The following DGKB variants were observed in gnomAD, a reference collection of about 807,000 sequenced individuals.
DGKB encodes 90 kDa diacylglycerol kinase.
Under a neutral mutation model 114.3 loss-of-function variants are expected in DGKB, and 67 were observed. The observed-to-expected ratio is 0.59, with a 90% CI of 0.48 to 0.72. The LOEUF (loss-of-function observed/expected upper bound fraction) is 0.72, where lower values mean the gene tolerates loss of function less well. DGKB is among the 30% of genes least tolerant of loss of function. The probability of loss-of-function intolerance (pLI) is 0.00; values close to 1 mark genes in which losing one functional copy is unlikely to be tolerated. For synonymous variants in DGKB, 398 were observed against 323.1 expected (o/e 1.23, Z -2.49); for missense variants, 907 against 975.2 (o/e 0.93, Z 0.93).
chr7:14,601,844 A>G (rs1803596388), intron 17 of DGKB, among the ~76,000 whole-genome samples: 1 of 152,200 alleles, frequency 6.6e-6, no homozygotes, highest in East Asian at 1.9e-4. Context: ...GGCCTTTCTT[A>G]TCCATATTTC....
At chr7:14,796,798 T>C (rs997849189) in intron 2 of DGKB, among the ~76,000 whole-genome samples, 1 of 152,150 alleles carries the variant, frequency 6.6e-6, no homozygotes, top group African/African-American at 2.4e-5. Context: ...TTCTCCACCA[T>C]GACAATGTTC....
At chr7:14,607,861 T>G (rs943161860) in intron 16 of DGKB, among the ~76,000 whole-genome samples, 1 of 151,978 alleles carries the variant, frequency 6.6e-6, no homozygotes, top group Non-Finnish European at 1.5e-5. Context: ...TATTTCAGTA[T>G]AAAATTGCCT....
At chr7:14,241,017 A>T (rs1477976878) in intron 23 of DGKB, among the ~76,000 whole-genome samples, 3 of 152,064 alleles carry the variant, frequency 2.0e-5, no homozygotes, top group Non-Finnish European at 4.4e-5. Flanking sequence ...CTCAGTCATA[A>T]ATGCCAGCTA....
intron 1 of DGKB, among the ~76,000 whole-genome samples, chr7:14,917,800 T>G (rs1026980670): frequency 6.6e-6 from 1 of 152,004 alleles, no homozygotes; most frequent in African/African-American, 2.4e-5. Context: ...TATCTAAATC[T>G]GACCCTTACA....
chr7:14,971,678 T>C (rs538597608), intron 1 of DGKB, among the ~76,000 whole-genome samples: 14 of 152,192 alleles, frequency 9.2e-5, no homozygotes, highest in African/African-American at 3.4e-4. Flanking sequence ...GAAAAATTCC[T>C]GGATAGATGA....
intron 20 of DGKB, among the ~76,000 whole-genome samples, chr7:14,510,798 G>A (rs1787871175): frequency 6.6e-6 from 1 of 152,088 alleles, no homozygotes; most frequent in Non-Finnish European, 1.5e-5. Context: ...CTTGATCCAT[G>A]GCTTGCAGAA....
At chr7:14,441,263 T>C (rs1830052224) in intron 21 of DGKB, among the ~76,000 whole-genome samples, 1 of 152,098 alleles carries the variant, frequency 6.6e-6, no homozygotes, top group Non-Finnish European at 1.5e-5. Context: ...CATCTCAGCC[T>C]CCCGAAGTGC....
intron 13 of DGKB, among the ~76,000 whole-genome samples, chr7:14,642,521 T>G (rs1333142488): frequency 6.6e-6 from 1 of 152,184 alleles, no homozygotes; most frequent in Non-Finnish European, 1.5e-5. Context: ...GTTTAGGTAC[T>G]GTCCAATACA....
intron 9 of DGKB, among the ~76,000 whole-genome samples, 179 bp downstream of exon 9, chr7:14,693,896 C>A (rs1342609740): frequency 1.3e-5 from 2 of 152,072 alleles, no homozygotes; most frequent in Non-Finnish European, 2.9e-5. Context: ...ATGTGTGTGG[C>A]AAGTATTACT....
intron 23 of DGKB, among the ~76,000 whole-genome samples, chr7:14,182,281 A>C (rs931691256): frequency 6.6e-6 from 1 of 151,886 alleles, no homozygotes; most frequent in Admixed American, 6.6e-5. Context: ...TCATTATGTC[A>C]AATTTTAATA....
chr7:14,255,763 C>T (rs1319561727), intron 23 of DGKB, among the ~76,000 whole-genome samples: 2 of 151,216 alleles, frequency 1.3e-5, no homozygotes, highest in Admixed American at 6.6e-5. Flanking sequence ...TCCTCTTCTC[C>T]GTGCAGCTAA....
chr7:14,536,276 A>T (rs1014797174), intron 20 of DGKB, among the ~76,000 whole-genome samples: 3 of 152,174 alleles, frequency 2.0e-5, no homozygotes, highest in Non-Finnish European at 4.4e-5. Context: ...TATAGAAGGG[A>T]TAAGGAATAC....
chr7:14,648,306 G>A (rs981684305), intron 13 of DGKB, among the ~76,000 whole-genome samples: 3 of 152,190 alleles, frequency 2.0e-5, no homozygotes, highest in Non-Finnish European at 4.4e-5. Context: ...CTGAGAACGG[G>A]CAGACTGCCT....
chr7:14,181,650 G>C (rs1427721503), intron 23 of DGKB, among the ~76,000 whole-genome samples: 1 of 152,208 alleles, frequency 6.6e-6, no homozygotes, highest in African/African-American at 2.4e-5. Context: ...CAGACCTGGA[G>C]ATTCAGGTGG....
chr7:14,187,715 C>T (rs1028703351), intron 23 of DGKB, among the ~76,000 whole-genome samples: 2 of 152,078 alleles, frequency 1.3e-5, no homozygotes, highest in Admixed American at 6.5e-5. Flanking sequence ...ACATTTATCC[C>T]TACAAAAGCT....
intron 2 of DGKB, among the ~76,000 whole-genome samples, chr7:14,799,590 G>T (rs1173106753): frequency 6.6e-6 from 1 of 152,198 alleles, no homozygotes; most frequent in Non-Finnish European, 1.5e-5. Context: ...TGAAGAAAAA[G>T]TTGTTGCATT....
chr7:14,526,877 C>T (rs1440568529), intron 20 of DGKB, among the ~76,000 whole-genome samples: 1 of 152,020 alleles, frequency 6.6e-6, no homozygotes, highest in Non-Finnish European at 1.5e-5. Flanking sequence ...CTATTTCGGC[C>T]ACCATTTTCC....
At chr7:14,727,342 T>C (rs1025943246) in intron 5 of DGKB, among the ~76,000 whole-genome samples, 1 of 152,146 alleles carries the variant, frequency 6.6e-6, no homozygotes, top group African/African-American at 2.4e-5. Context: ...AATCATCCCT[T>C]ACTGGCAGTA....
At chr7:14,906,654 T>A (rs1419239011), upstream of DGKB, among the ~76,000 whole-genome samples, 1 of 152,050 alleles carries the variant, frequency 6.6e-6, no homozygotes, top group East Asian at 1.9e-4. Context: ...GGTTTCACCA[T>A]GTTGGTCAGG....
Sources: allele counts gnomAD v4.1 joint callset (sites outside exome capture counted in the v4.1 genomes callset), GRCh38; gene constraint gnomAD v4.1.1; transcripts MANE v1.5; gene names NCBI Gene and HGNC (gene_info 2026-07-23, HGNC 2026-07-21).